DHX35: variants seen among roughly 807,000 people sequenced by gnomAD.
DHX35 encodes DEAH-box helicase 35.
A neutral mutation model predicts 99.6 loss-of-function variants in DHX35; 84 were observed. The observed-to-expected ratio is 0.84, with a 90% CI of 0.71 to 1.01. The LOEUF is 1.01. Among genes scored for constraint, DHX35 ranks in the 50% least tolerant of loss-of-function variants. The pLI is 0.00. For missense variants in DHX35, 852 were observed against 888.5 expected (o/e 0.96, Z 0.52); for synonymous variants, 331 against 316.2 (o/e 1.05, Z -0.50).
intron 3 of DHX35, among the ~76,000 whole-genome samples, chr20:38,978,626 C>T (rs945966326): frequency 6.6e-6 from 1 of 152,162 alleles, no homozygotes; most frequent in African/African-American, 2.4e-5. Context: ...TTTATTTTCT[C>T]CCATTCTGTA....
At chr20:38,979,333 ACTT>A (rs2086134624) in intron 3 of DHX35, among the ~76,000 whole-genome samples, 1 of 152,226 alleles carries the variant, frequency 6.6e-6, no homozygotes, top group South Asian at 2.1e-4. Context: ...TAAATAAAAT[ACTT>A]ATGGGGTTGC....
intron 2 of DHX35, among the ~76,000 whole-genome samples, chr20:38,971,029 T>C (rs1391154927): frequency 2.6e-5 from 4 of 152,104 alleles, no homozygotes; most frequent in Non-Finnish European, 4.4e-5. Context: ...TTTTTCCCTT[T>C]CAAACAAAAA....
intron 14 of DHX35, among the ~76,000 whole-genome samples, chr20:39,015,353 T>C (rs188531481): frequency 1.6e-3 from 246 of 152,298 alleles, no homozygotes; most frequent in Middle Eastern, 0.014. Context: ...TTGTGGAGAA[T>C]TGGGGACATT....
intron 3 of DHX35, among the ~76,000 whole-genome samples, chr20:38,973,601 C>T (rs1475551039): frequency 6.6e-6 from 1 of 152,182 alleles, no homozygotes; most frequent in African/African-American, 2.4e-5. Context: ...CTGCTTTTGT[C>T]CAACGTTATG....
chr20:39,014,783 T>C, intron 13 of DHX35, 97 bp from the exon 14 acceptor site: 1 of 1,410,794 alleles, frequency 7.1e-7, no homozygotes, highest in Admixed American at 1.7e-5. Context: ...GAATGGGGCA[T>C]GTTAGAGGGG....
At position 39,003,914 on chromosome 20, in the gene DHX35, C is replaced by T; in HGVS notation, c.1011+7C>T. 1.2e-6 allele frequency: 2 copies of T among 1,613,628 alleles called. No homozygotes were observed. On this transcript the variant is annotated splice_region_variant and intron_variant, in intron 11 of 21. Transcript: ENST00000252011. Reference sequence around the variant, plus strand: ...GTCACGCAGTGTCAGAAAGGTGAGACTATCCTGATGACCAAGGGTGTTGGC... The same window carrying T: ...GTCACGCAGTGTCAGAAAGGTGAGATTATCCTGATGACCAAGGGTGTTGGC...
At chr20:38,999,351 TCTTC>T (rs1261683111) in intron 8 of DHX35, among the ~76,000 whole-genome samples, 1 of 152,050 alleles carries the variant, frequency 6.6e-6, no homozygotes, top group Non-Finnish European at 1.5e-5. Flanking sequence ...CTCTGTCTGC[TCTTC>T]CTTCTCAAGG....
At chr20:38,992,212 A>G in intron 6 of DHX35, 144 bp from the exon 7 acceptor site, 1 of 610,856 alleles carries the variant, frequency 1.6e-6, no homozygotes, top group South Asian at 2.5e-5. Flanking sequence ...GAATTGCCTC[A>G]TTGTCAAAGA....
chr20:38,977,702 A>C, intron 3 of DHX35: 1 of 379,342 alleles, frequency 2.6e-6, no homozygotes, highest in Non-Finnish European at 5.0e-6. Flanking sequence ...ACAGCCAGAT[A>C]TCAACTGTTG....
chr20:39,008,509 A>C (rs949472957), intron 12 of DHX35, among the ~76,000 whole-genome samples: 2 of 152,204 alleles, frequency 1.3e-5, no homozygotes, highest in Admixed American at 6.5e-5. Context: ...GATTTGGGTG[A>C]AAAGTCACTG....
chr20:38,995,264 C>T (rs1005298507), intron 8 of DHX35, among the ~76,000 whole-genome samples: 7 of 152,182 alleles, frequency 4.6e-5, no homozygotes, highest in Non-Finnish European at 8.8e-5. Flanking sequence ...GTGGCTCACA[C>T]CTGTAATCCC....
chr20:39,038,717 C>G lies in DHX35; in HGVS notation c.*174C>G. Reference sequence around the variant, plus strand: ...TTCCCGCTGCCCACAGCATTTGCATCCTTGCTGGGATCCTGGAGGACTTTG... The same window carrying G: ...TTCCCGCTGCCCACAGCATTTGCATGCTTGCTGGGATCCTGGAGGACTTTG... On this transcript the variant is annotated 3_prime_UTR_variant, in exon 22 of 22. Transcript: ENST00000252011. The G allele has an allele frequency of 1.5e-6, 1 of 647,900 alleles. No homozygotes were observed. Among genetic ancestry groups the G allele is most frequent in the Non-Finnish European group, 2.6e-6 (1 of 377,946 alleles). The allele number at this position is 647,900 out of a possible 1,614,324, so 40.1% of individuals were successfully genotyped here. A position where few individuals can be genotyped will look rare whatever the true frequency, so the allele number is the denominator to read the frequency against.
rs536294278 is a variant in DHX35, at chr20:38,995,677, G to T, written c.642+797G>T. Among the ~76,000 whole-genome samples the T allele has an allele frequency of 6.3e-4, 96 of 152,288 alleles. 2 individuals are homozygous for T. The highest frequency in any genetic ancestry group is 2.2e-3 in the African/African-American group (93 of 41,570). On this transcript the variant is annotated intron_variant, in intron 8 of 21. Coordinates refer to ENST00000252011, the MANE Select transcript of DHX35 (RefSeq NM_021931.4). Reference sequence around the variant, plus strand: ...TTTTGACCACTTACTATATTTACATGCAGAAATAGATGTTTGCAGTTCAGT... The same window carrying T: ...TTTTGACCACTTACTATATTTACATTCAGAAATAGATGTTTGCAGTTCAGT...
chr20:39,003,629 A>T, intron 10 of DHX35, 120 bp from the exon 11 acceptor site: 1 of 1,178,864 alleles, frequency 8.5e-7, no homozygotes, highest in Non-Finnish European at 1.2e-6. Context: ...ACGGCACTGA[A>T]ATTCTTGAAT....
intron 18 of DHX35, among the ~76,000 whole-genome samples, chr20:39,027,668 CAT>C (rs961277102): frequency 6.6e-6 from 1 of 152,116 alleles, no homozygotes; most frequent in African/African-American, 2.4e-5. Context: ...AAGATACCAT[CAT>C]GTGTAAGAAA....
At chr20:38,970,097 GTCTA>G (rs1419226035) in intron 2 of DHX35, among the ~76,000 whole-genome samples, 31 of 152,224 alleles carry the variant, frequency 2.0e-4, no homozygotes, top group African/African-American at 6.5e-4. Flanking sequence ...CTGTCTGTCT[GTCTA>G]TCTATCAGAC....
chr20:39,032,226 C>T (rs901285874), intron 20 of DHX35, among the ~76,000 whole-genome samples: 3 of 152,152 alleles, frequency 2.0e-5, no homozygotes, highest in Non-Finnish European at 2.9e-5. Flanking sequence ...ATCTGTTGCC[C>T]AGTGGTGTGA....
chr20:39,001,681 C>T (rs201074595), intron 8 of DHX35, 49 bp from the exon 9 acceptor site: 22 of 1,460,460 alleles, frequency 1.5e-5, no homozygotes, highest in African/African-American at 8.5e-5. Context: ...TGAATCGCTA[C>T]GAACCTTTTT....
intron 1 of DHX35, among the ~76,000 whole-genome samples, chr20:38,965,328 G>C (rs1375431696): frequency 6.6e-6 from 1 of 152,222 alleles, no homozygotes; most frequent in Non-Finnish European, 1.5e-5. Context: ...ATATGAAGTA[G>C]GTTGTGGGAA....
Sources: gnomAD v4.1 joint callset for allele counts (sites outside exome capture counted in the v4.1 genomes callset) on GRCh38, gnomAD v4.1.1 for gene constraint, MANE v1.5 for transcripts, NCBI Gene and HGNC (gene_info 2026-07-23, HGNC 2026-07-21) for gene names.